The following RASA3 variants were observed in gnomAD, a reference collection of about 807,000 sequenced individuals.
RASA3 encodes ras GTPase-activating protein 3.
In RASA3, 73 loss-of-function variants were observed where a neutral mutation model predicts 110.0. That is an observed-to-expected ratio of 0.66 (90% CI 0.55 to 0.81). RASA3 has a LOEUF of 0.81. Ranked by LOEUF, RASA3 falls within the 30% of genes least tolerant of loss-of-function variation. The probability of loss-of-function intolerance (pLI) is 0.00; values close to 1 mark genes in which losing one functional copy is unlikely to be tolerated. For missense variants in RASA3, 976 were observed against 1,113.2 expected, an observed-to-expected ratio of 0.88 and a Z score of 1.75; for synonymous variants, 500 against 451.4, an observed-to-expected ratio of 1.11 and a Z score of -1.37.
rs777757970 is a variant in RASA3 at position 114,021,390 on chromosome 13, C to A, written c.785+14G>T. 1 of 1,611,008 alleles carries A rather than the reference C, an allele frequency of 6.2e-7. No homozygotes were observed. Among genetic ancestry groups the A allele is most frequent in the Non-Finnish European group, 8.5e-7 (1 of 1,177,506 alleles). On this transcript the variant is annotated intron_variant, in intron 9 of 23. Transcript: ENST00000334062. ...TCAGAGATGCGGAAGTCTGCAGGTGCAACATCATCTTACCACGCCTCGTAG... is the reference window on the plus strand; with the variant it reads ...TCAGAGATGCGGAAGTCTGCAGGTGAAACATCATCTTACCACGCCTCGTAG...
chr13:114,087,456 C>T (rs897743978), intron 1 of RASA3, among the ~76,000 whole-genome samples: 3 of 152,236 alleles, frequency 2.0e-5, no homozygotes, highest in Non-Finnish European at 4.4e-5. Context: ...GGAGTCCACG[C>T]AGAGACCTCC....
chr13:113,979,117 A>C lies in RASA3; in HGVS notation c.*230T>G, dbSNP rs1190237368. 7.2e-6 allele frequency: 4 copies of C among 559,198 alleles called. No homozygotes were observed. Among genetic ancestry groups the C allele is most frequent in the Non-Finnish European group, 1.3e-5 (4 of 311,398 alleles). 34.6% of individuals were successfully genotyped at this position (559,198 alleles called of 1,614,324 possible). ...TCCCCACAAACAAGGAGCAAAAAGCACAGAATCAAATGACGACACGTTCCA... is the reference window on the plus strand; with the variant it reads ...TCCCCACAAACAAGGAGCAAAAAGCCCAGAATCAAATGACGACACGTTCCA... On this transcript the variant is annotated 3_prime_UTR_variant, in exon 24 of 24. Coordinates refer to ENST00000334062, the MANE Select transcript of RASA3 (RefSeq NM_007368.4).
chr13:114,096,485 G>A lies in RASA3; in HGVS notation c.56-22648C>T, dbSNP rs973693887. Among the ~76,000 whole-genome samples, 5 of 152,102 alleles carry A rather than the reference G, an allele frequency of 3.3e-5. No homozygotes were observed. Among genetic ancestry groups the A allele is most frequent in the South Asian group, 2.1e-4 (1 of 4,834 alleles). On this transcript the variant is annotated intron_variant, in intron 1 of 23. Coordinates refer to ENST00000334062, the MANE Select transcript of RASA3 (RefSeq NM_007368.4). The surrounding 1 kb of genome is among the most constrained non-coding windows in gnomAD (Gnocchi z 5.1). ...GCGCTCAGTACTGGGGACCCTGGCC[G>A]GGAAGTTTGCACAGAGTATGAGCTC...
chr13:114,077,222 G>A (rs2079699207), intron 1 of RASA3, among the ~76,000 whole-genome samples: 1 of 152,164 alleles, frequency 6.6e-6, no homozygotes, highest in African/African-American at 2.4e-5. Context: ...GTCCCTGTAA[G>A]ACAGACGCCG....
chr13:114,032,080 T>C lies in RASA3; in HGVS notation c.373-2193A>G, dbSNP rs192568341. On this transcript the variant is annotated intron_variant, in intron 4 of 23. Transcript: ENST00000334062. ...AATAAAATAATAGCCAAAAAATTAGTCAGGAGATATTTATTCCCTATACAA... is the reference window on the plus strand; with the variant it reads ...AATAAAATAATAGCCAAAAAATTAGCCAGGAGATATTTATTCCCTATACAA... Among the ~76,000 whole-genome samples the C allele has an allele frequency of 4.0e-3, 616 of 152,288 alleles. 4 individuals carry two copies. The highest frequency in any genetic ancestry group is 8.1e-3 in the Admixed American group (124 of 15,298).
rs763185981 is a variant in RASA3 at position 114,009,482 on chromosome 13, T to C, written c.1591-18A>G. On this transcript the variant is annotated intron_variant, in intron 16 of 23. Coordinates refer to ENST00000334062, the MANE Select transcript of RASA3 (RefSeq NM_007368.4). ...AAACTCGCCTAAAATGAAACGGAGA[T>C]CACTCGAGGACAGCCCGAAGTACCT... The C allele has an allele frequency of 3.0e-5, 47 of 1,565,350 alleles. No individual in the cohort carries two copies. Among genetic ancestry groups the C allele is most frequent in the Non-Finnish European group, 4.0e-5 (46 of 1,137,338 alleles).
At chr13:114,038,145 G>T (rs1477175439) in intron 4 of RASA3, among the ~76,000 whole-genome samples, 1 of 152,132 alleles carries the variant, frequency 6.6e-6, no homozygotes. Context: ...TGAATCCGAG[G>T]CAAACGACGA....
rs1286041685 is a variant in RASA3 at position 114,057,162 on chromosome 13, T to C, written c.174-5007A>G. On this transcript the variant is annotated intron_variant, in intron 2 of 23. Transcript: ENST00000334062. This position sits in a 1 kb window ranked among gnomAD's most constrained non-coding sequence, Gnocchi z 5.0. ...TGTCGTTTATTCTAGTGGTTCCAAT[T>C]GCCTATTTTAATGTTTTTCTTCTTA... 1.0e-6 allele frequency: 1 copy of C among 964,980 alleles called. No individual in the cohort carries two copies. Among genetic ancestry groups the C allele is most frequent in the African/African-American group, 1.8e-5 (1 of 56,754 alleles). The allele number at this position is 964,980 out of a possible 1,614,324, so 59.8% of individuals were successfully genotyped here. A position where few individuals can be genotyped will look rare whatever the true frequency, so the allele number is the denominator to read the frequency against.
intron 3 of RASA3, among the ~76,000 whole-genome samples, chr13:114,046,575 A>T (rs1048407852): frequency 2.0e-5 from 3 of 152,222 alleles, no homozygotes; most frequent in Non-Finnish European, 4.4e-5. Flanking sequence ...GGTTGTTCCT[A>T]TGGAAAGGGG....
At position 113,979,304 on chromosome 13, in the gene RASA3, G is replaced by C; in HGVS notation, c.*43C>G. The C allele has an allele frequency of 1.3e-6, 2 of 1,509,386 alleles. No individual in the cohort carries two copies. Among genetic ancestry groups the C allele is most frequent in the Non-Finnish European group, 9.2e-7 (1 of 1,085,354 alleles). The allele number at this position is 1,509,386 out of a possible 1,614,324, so 93.5% of individuals were successfully genotyped here. On this transcript the variant is annotated 3_prime_UTR_variant, in exon 24 of 24. Coordinates refer to ENST00000334062, the MANE Select transcript of RASA3 (RefSeq NM_007368.4). ...TCTCCCTCCCAAAGGCTGCGGCTTT[G>C]CATGGGCAGCTTGCTGGCGCCACTG...
intron 2 of RASA3, among the ~76,000 whole-genome samples, chr13:114,072,824 C>T (rs552351615): frequency 7.2e-5 from 11 of 152,336 alleles, no homozygotes; most frequent in South Asian, 6.2e-4. Context: ...AAATTCTCTA[C>T]ACGCGGGAAA....
chr13:113,982,386 G>A (rs531834652), intron 22 of RASA3, among the ~76,000 whole-genome samples: 4 of 152,336 alleles, frequency 2.6e-5, no homozygotes, highest in South Asian at 2.1e-4. Context: ...AGCACAGGGC[G>A]GACACCAGTC....
In RASA3 at chr13:114,029,312, G is replaced by GT. The variant is rs1459341996; in HGVS notation, c.449+498_449+499insA. Reference sequence around the variant, plus strand: ...GGACCTCTAAAACGGCATCATCCTGGGGGCCAGGACCTCTAAAACGGCATC... The same window carrying GT: ...GGACCTCTAAAACGGCATCATCCTGGTGGGCCAGGACCTCTAAAACGGCATC... On this transcript the variant is annotated intron_variant, in intron 5 of 23. Coordinates refer to ENST00000334062, the MANE Select transcript of RASA3 (RefSeq NM_007368.4). 1.8e-3 allele frequency among the ~76,000 whole-genome samples: 28 copies of GT among 15,960 alleles called. No homozygotes were observed. The African/African-American group carries it at 0.021, about 12-fold the overall frequency. 10.5% of individuals were successfully genotyped at this position (15,960 alleles called of 152,430 possible).
At chr13:114,078,802 C>A (rs1037879900) in intron 1 of RASA3, among the ~76,000 whole-genome samples, 5 of 152,216 alleles carry the variant, frequency 3.3e-5, no homozygotes, top group Non-Finnish European at 7.3e-5. Flanking sequence ...CAGCCCTGAC[C>A]GAGGGTTAGG....
chr13:114,123,518 G>C (rs1241596707), intron 1 of RASA3, among the ~76,000 whole-genome samples: 1 of 152,234 alleles, frequency 6.6e-6, no homozygotes. Context: ...GCCAGCCTGG[G>C]TCTATCGCGC....
intron 1 of RASA3, among the ~76,000 whole-genome samples, chr13:114,082,183 C>T (rs376647123): frequency 5.1e-4 from 77 of 152,348 alleles, no homozygotes; most frequent in African/African-American, 1.8e-3. Flanking sequence ...CCCCACTCAC[C>T]GGGGAGCTGC....
chr13:114,058,148 G>A (rs1256988167), intron 2 of RASA3, among the ~76,000 whole-genome samples: 2 of 152,154 alleles, frequency 1.3e-5, no homozygotes. Context: ...GGGATCATCA[G>A]TCAGCTCCTA....
chr13:114,015,296 C>T lies in RASA3; in HGVS notation c.1318G>A (p.Ala440Thr), dbSNP rs370539205. The change falls in exon 14 of 24, where the codon GCC (alanine) becomes ACC (threonine). Residue 440 changes from alanine to threonine, a missense_variant. Physicochemically the swap from Ala to Thr is moderately conservative, Grantham distance 58. Around this residue, in one of 4 missense-constraint regions of RASA3, gnomAD observed 732 missense variants for 779.7 expected, o/e 0.94. Transcript: ENST00000334062. ...CAGCTCACCCCAGACTCAGTGATGGCGTGGAAGACGCGGTCCACATACTGC... is the reference window on the plus strand; with the variant it reads ...CAGCTCACCCCAGACTCAGTGATGGTGTGGAAGACGCGGTCCACATACTGC... ...LRQYVDRVFH[A>T]ITESGVSCPT... 6.8e-6 allele frequency: 11 copies of T among 1,612,932 alleles called. No individual in the cohort carries two copies. The highest frequency in any genetic ancestry group is 4.5e-5 in the East Asian group (2 of 44,890).
chr13:114,101,020 T>C (rs1373022787), intron 1 of RASA3, among the ~76,000 whole-genome samples: 1 of 152,164 alleles, frequency 6.6e-6, no homozygotes, highest in African/African-American at 2.4e-5. Flanking sequence ...CGTCAGCCTG[T>C]GTCAGGCTGG....
Sources: gnomAD v4.1 joint callset for allele counts (sites outside exome capture counted in the v4.1 genomes callset) on GRCh38, gnomAD v4.1.1 for gene constraint, gnomAD v4.1.1 regional missense constraint, Gnocchi (gnomAD v3.1) non-coding constraint, MANE v1.5 for transcripts, NCBI Gene and HGNC (gene_info 2026-07-23, HGNC 2026-07-21) for gene names.